The following LRBA variants were observed in gnomAD, a reference collection of about 807,000 sequenced individuals.
LRBA encodes LPS responsive beige-like anchor protein, also known as lipopolysaccharide-responsive and beige-like anchor protein.
LRBA carries 176 observed loss-of-function variants against 330.0 expected under a neutral mutation model. That is an observed-to-expected ratio of 0.53 (90% CI 0.47 to 0.60). The LOEUF (loss-of-function observed/expected upper bound fraction) is 0.60. Among genes scored for constraint, LRBA ranks in the 20% least tolerant of loss-of-function variants. The pLI, the probability that LRBA is intolerant of heterozygous loss-of-function variation, is 0.00. For synonymous variants in LRBA, 1,230 were observed against 1,193.0 expected (o/e 1.03, Z -0.64); for missense variants, 3,259 against 3,444.8 (o/e 0.95, Z 1.35).
Position 150,905,993 on chromosome 4 carries a change from G to C in LRBA, c.1603-3C>G, listed in dbSNP as rs759006962. 1 of 1,609,686 alleles carries C rather than the reference G, an allele frequency of 6.2e-7. No individual in the cohort carries two copies. The highest frequency in any genetic ancestry group is 1.1e-5 in the South Asian group (1 of 90,412). The stretch of plus-strand genomic sequence containing the variant: ...CTGCTAACATGAGATTTGGAAGACT[G>C]CAAAAAAAGTAGTTCAAATGTTACC... On this transcript the variant is annotated splice_polypyrimidine_tract_variant and splice_region_variant and intron_variant, in intron 12 of 56. Transcript: ENST00000651943.
chr4:150,909,561 C>T (rs1301871257), intron 9 of LRBA, among the ~76,000 whole-genome samples: 2 of 152,084 alleles, frequency 1.3e-5, no homozygotes, highest in Non-Finnish European at 2.9e-5. Flanking sequence ...ACTTCTATCT[C>T]TGGGTTATCG....
intron 44 of LRBA, among the ~76,000 whole-genome samples, chr4:150,450,428 G>A (rs2152028303): frequency 6.6e-6 from 1 of 152,212 alleles, no homozygotes; most frequent in South Asian, 2.1e-4. Context: ...CCTCTTCCAG[G>A]TTCTGGTAGG....
At chr4:150,738,242 T>G (rs1731481511) in intron 35 of LRBA, among the ~76,000 whole-genome samples, 1 of 151,918 alleles carries the variant, frequency 6.6e-6, no homozygotes, top group African/African-American at 2.4e-5. Flanking sequence ...CCGCCCGCCT[T>G]GGCCTCCCAA....
rs1265036933 is a variant in LRBA at position 150,905,931 on chromosome 4, A to G, written c.1662T>C (p.Tyr554=). Residue 554 remains tyrosine, a synonymous_variant, in exon 13 of 57, where the codon TAT becomes TAC. Coordinates refer to ENST00000651943, the MANE Select transcript of LRBA (RefSeq NM_001364905.1). ...GCATCCCATTCTGCAGATTACTCAG[A>G]TATTTTGAAAATGCAAGGCAAAGTT... ...VLELCLAFSK[Y]LSNLQNGMPL... is the part of the protein sequence containing the mutation. The G allele has an allele frequency of 1.9e-6, 3 of 1,613,646 alleles. No individual in the cohort carries two copies. Among genetic ancestry groups the G allele is most frequent in the African/African-American group, 1.3e-5 (1 of 74,908 alleles).
chr4:150,782,345 G>C (rs1266579103), intron 34 of LRBA, among the ~76,000 whole-genome samples: 1 of 152,172 alleles, frequency 6.6e-6, no homozygotes, highest in Non-Finnish European at 1.5e-5. Context: ...CCACAAACTT[G>C]GTGGCTTAAA....
rs1055187994 is a variant in LRBA, at chr4:150,373,122, C to G, written c.7195-22963G>C. 2.6e-5 allele frequency among the ~76,000 whole-genome samples: 3 copies of G among 116,572 alleles called. No individual in the cohort carries two copies. The Admixed American group carries it at 3.0e-4, about 12-fold the overall frequency. 76.5% of individuals were successfully genotyped at this position (116,572 alleles called of 152,430 possible). A position where few individuals can be genotyped will look rare whatever the true frequency, so the allele number is the denominator to read the frequency against. Reference sequence around the variant, plus strand: ...CCTCAGCAAACAGCTTGACTACAATCTCGTGTGTGTGTGTGTGTGTGTGTG... The same window carrying G: ...CCTCAGCAAACAGCTTGACTACAATGTCGTGTGTGTGTGTGTGTGTGTGTG... On this transcript the variant is annotated intron_variant, in intron 47 of 56. Transcript: ENST00000651943.
intron 40 of LRBA, among the ~76,000 whole-genome samples, chr4:150,531,490 C>A (rs542494868): frequency 2.0e-5 from 3 of 152,264 alleles, no homozygotes; most frequent in South Asian, 4.2e-4. Flanking sequence ...GTAATTATCA[C>A]CATATGACAT....
chr4:150,653,635 T>C (rs899335715), intron 37 of LRBA, among the ~76,000 whole-genome samples: 8 of 152,144 alleles, frequency 5.3e-5, no homozygotes, highest in Non-Finnish European at 8.8e-5. Flanking sequence ...GCCATTCCAG[T>C]AGGCAAAGCA....
chr4:150,694,462 C>CAAA (rs58558446), intron 36 of LRBA, among the ~76,000 whole-genome samples: 1,213 of 71,042 alleles, frequency 0.017, 150 homozygotes, highest in African/African-American at 0.056. Flanking sequence ...TGATCTTTAA[C>CAAA]AAAAAAAAAA....
At chr4:150,322,979 A>G (rs1732726339) in intron 49 of LRBA, among the ~76,000 whole-genome samples, 1 of 68,606 alleles carries the variant, frequency 1.5e-5, no homozygotes, top group Non-Finnish European at 3.7e-5. Flanking sequence ...AATTTCTGCT[A>G]TATTTGTGTG....
intron 44 of LRBA, among the ~76,000 whole-genome samples, chr4:150,443,853 A>AAATAT (rs70941406): frequency 2.7e-5 from 2 of 75,466 alleles, no homozygotes; most frequent in African/African-American, 7.8e-5. Context: ...TAATTAAAAA[A>AAATAT]ATATATATAT....
At chr4:150,590,362 A>C (rs1159895346) in intron 39 of LRBA, among the ~76,000 whole-genome samples, 1 of 16,056 alleles carries the variant, frequency 6.2e-5, no homozygotes, top group African/African-American at 6.9e-5. Context: ...CTTTATTTAC[A>C]AAAAAAAAAA....
At chr4:151,003,679 C>G (rs1743671785) in intron 2 of LRBA, among the ~76,000 whole-genome samples, 1 of 151,992 alleles carries the variant, frequency 6.6e-6, no homozygotes, top group African/African-American at 2.4e-5. Context: ...ATAGTCCCAG[C>G]TACTCAGGAG....
chr4:150,579,164 G>A (rs1474221799), intron 40 of LRBA: 2 of 453,396 alleles, frequency 4.4e-6, no homozygotes, highest in East Asian at 6.9e-5. Flanking sequence ...AGAAGGAGCT[G>A]CCAGTTCGTT....
intron 28 of LRBA, among the ~76,000 whole-genome samples, chr4:150,836,316 A>G (rs977747525): frequency 1.3e-5 from 2 of 152,186 alleles, no homozygotes; most frequent in African/African-American, 4.8e-5. Flanking sequence ...CTGGCCTCAT[A>G]AAATGAGTTA....
intron 47 of LRBA, among the ~76,000 whole-genome samples, chr4:150,404,642 A>G (rs935347949): frequency 6.6e-6 from 1 of 152,170 alleles, no homozygotes; most frequent in Non-Finnish European, 1.5e-5. Context: ...CTGAGGCTGA[A>G]GTCTATAGGG....
chr4:150,629,407 A>C (rs1777157765), intron 37 of LRBA, among the ~76,000 whole-genome samples: 1 of 150,418 alleles, frequency 6.6e-6, no homozygotes, highest in African/African-American at 2.4e-5. Flanking sequence ...GGGAGGCCAA[A>C]GCAGGTGGAT....
chr4:150,505,132 A>T (rs1193464267), intron 40 of LRBA, among the ~76,000 whole-genome samples: 4 of 152,208 alleles, frequency 2.6e-5, no homozygotes, highest in South Asian at 4.1e-4. Flanking sequence ...TAATAATGGG[A>T]GACTTTAACA....
At chr4:150,522,357 A>G (rs1019055652) in intron 40 of LRBA, among the ~76,000 whole-genome samples, 3 of 152,242 alleles carry the variant, frequency 2.0e-5, no homozygotes, top group African/African-American at 7.2e-5. Flanking sequence ...GAATATTGCT[A>G]CAACATATAT....
Sources: allele counts gnomAD v4.1 joint callset (sites outside exome capture counted in the v4.1 genomes callset), GRCh38; gene constraint gnomAD v4.1.1; transcripts MANE v1.5; gene names NCBI Gene and HGNC (gene_info 2026-07-23, HGNC 2026-07-21).